IDO1: variants seen among roughly 807,000 people sequenced by gnomAD.
IDO1 encodes indoleamine 2,3-dioxygenase 1, also known as indolamine 2,3 dioxygenase.
A neutral mutation model predicts 38.8 loss-of-function variants in IDO1; 35 were observed. The ratio of observed to expected loss-of-function variants is 0.90; its 90% CI spans 0.69 to 1.20. The LOEUF is 1.20. IDO1 is among the 50% of genes most tolerant of loss of function. The pLI is 0.00. For missense variants in IDO1, 509 were observed against 485.1 expected (o/e 1.05, Z -0.46); for synonymous variants, 171 against 170.0 (o/e 1.01, Z -0.05).
intron 3 of IDO1, 42 bp from the exon 4 acceptor site, chr8:39,918,768 AACAAC>A: frequency 4.4e-6 from 2 of 452,264 alleles, no homozygotes; most frequent in Non-Finnish European, 3.8e-6. Context: ...AAAAAAAAAA[AACAAC>A]AACAACAACA....
rs773683132 is a variant in IDO1 at position 39,922,656 on chromosome 8, G to A, written c.537+5G>A. 3.3e-5 allele frequency: 53 copies of A among 1,591,602 alleles called. No individual in the cohort carries two copies. Among genetic ancestry groups the A allele is most frequent in the African/African-American group, 3.2e-4 (24 of 74,590 alleles). ...GCAGCTGCTTCTGCAATCAAAGTAC[G>A]TCTATCCTCACTTCAAAATTTATAT... On this transcript the variant is annotated splice_donor_5th_base_variant and intron_variant, in intron 6 of 9. Coordinates refer to ENST00000518237, the MANE Select transcript of IDO1 (RefSeq NM_002164.6).
Position 39,927,842 on chromosome 8 carries a change from A to G in IDO1, c.869A>G (p.Gln290Arg). ...QQTAGGGHAA[Q>R]FLQDMRRYMP... Reference sequence around the variant, plus strand: ...CTTTTTCCTATAGGACATGCTGCTCAGTTCCTCCAGGACATGAGAAGATAT... The same window carrying G: ...CTTTTTCCTATAGGACATGCTGCTCGGTTCCTCCAGGACATGAGAAGATAT... The change falls in exon 10 of 10, where the codon CAG (glutamine) becomes CGG (arginine). Residue 290 changes from glutamine to arginine, a missense_variant. By Grantham distance (43) the Gln-to-Arg change is conservative. Coordinates refer to ENST00000518237, the MANE Select transcript of IDO1 (RefSeq NM_002164.6). 6.5e-7 allele frequency: 1 copy of G among 1,536,844 alleles called. No individual in the cohort carries two copies. Among genetic ancestry groups the G allele is most frequent in the Non-Finnish European group, 8.7e-7 (1 of 1,143,646 alleles).
chr8:39,921,789 C>T (rs1046846982), intron 5 of IDO1, among the ~76,000 whole-genome samples: 24 of 152,260 alleles, frequency 1.6e-4, no homozygotes, highest in Admixed American at 8.5e-4. Context: ...ATTTGAATTT[C>T]GCAGTCAATT....
At chr8:39,922,842 A>G in intron 6 of IDO1, 191 bp downstream of exon 6, 1 of 589,580 alleles carries the variant, frequency 1.7e-6, no homozygotes, top group East Asian at 2.8e-5. Flanking sequence ...TCAGAGCCAT[A>G]TACTTAAAAT....
intron 5 of IDO1, among the ~76,000 whole-genome samples, chr8:39,921,158 T>C (rs759564976): frequency 1.3e-5 from 2 of 151,972 alleles, no homozygotes; most frequent in Non-Finnish European, 2.9e-5. Context: ...TCACTGATAA[T>C]AAGTGATAAA....
At chr8:39,921,243 A>G (rs550383699) in intron 5 of IDO1, among the ~76,000 whole-genome samples, 45 of 152,238 alleles carry the variant, frequency 3.0e-4, no homozygotes, top group African/African-American at 9.9e-4. Context: ...ACCTGAGGTC[A>G]GGCATTCGAG....
chr8:39,922,144 G>T (rs1422188912), intron 5 of IDO1, among the ~76,000 whole-genome samples: 1 of 152,144 alleles, frequency 6.6e-6, no homozygotes, highest in East Asian at 1.9e-4. Context: ...GGGATTACAG[G>T]CGCCCATCAC....
chr8:39,920,183 T>C, intron 5 of IDO1, 69 bp downstream of exon 5: 3 of 1,241,432 alleles, frequency 2.4e-6, no homozygotes, highest in South Asian at 1.3e-5. Flanking sequence ...GGTTTATCAA[T>C]AGACTCCAAA....
intron 7 of IDO1, 100 bp downstream of exon 7, chr8:39,923,686 T>C: frequency 1.6e-6 from 1 of 643,736 alleles, no homozygotes. Flanking sequence ...TATCACTTAG[T>C]ATGTTTTCAC....
At chr8:39,920,010 C>G in intron 4 of IDO1, 90 bp from the exon 5 acceptor site, 1 of 1,162,684 alleles carries the variant, frequency 8.6e-7, no homozygotes, top group Non-Finnish European at 1.3e-6. Flanking sequence ...AGCATTCAAT[C>G]AAATAGCAAC....
chr8:39,927,944 G>T lies in IDO1; in HGVS notation c.971G>T (p.Gly324Val), dbSNP rs762900972. The change falls in exon 10 of 10, where the codon GGT becomes GTT. Residue 324 changes from glycine (G) to valine (V), a missense_variant. Gly to Val is a moderately radical substitution (Grantham distance 109). Coordinates refer to ENST00000518237, the MANE Select transcript of IDO1 (RefSeq NM_002164.6). ...PSVREFVLSK[G>V]DAGLREAYDA... is the part of the protein sequence containing the mutation. Reference sequence around the variant, plus strand: ...GTCCGTGAGTTTGTCCTTTCAAAAGGTGATGCTGGCCTGCGGGAAGCTTAT... The same window carrying T: ...GTCCGTGAGTTTGTCCTTTCAAAAGTTGATGCTGGCCTGCGGGAAGCTTAT... The T allele has an allele frequency of 6.2e-7, 1 of 1,606,240 alleles. No homozygotes were observed. Among genetic ancestry groups the T allele is most frequent in the Admixed American group, 1.7e-5 (1 of 58,760 alleles).
intron 3 of IDO1, 185 bp downstream of exon 3, chr8:39,918,392 G>T: frequency 1.7e-6 from 1 of 583,438 alleles, no homozygotes; most frequent in African/African-American, 1.9e-5. Context: ...TATATTTTTA[G>T]TCTTTTACTT....
At chr8:39,925,134 T>C in intron 8 of IDO1, 89 bp from the exon 9 acceptor site, 1 of 1,214,202 alleles carries the variant, frequency 8.2e-7, no homozygotes, top group South Asian at 1.6e-5. Flanking sequence ...TGTCACCTTC[T>C]GTTCAGCACT....
Position 39,917,858 on chromosome 8 carries a change from CTTT to C in IDO1, c.88-7_88-5del, listed in dbSNP as rs59167028. The C allele has an allele frequency of 8.6e-6, 10 of 1,167,708 alleles. No homozygotes were observed. The highest frequency in any genetic ancestry group is 3.1e-5 in the African/African-American group (2 of 64,896). 72.3% of individuals were successfully genotyped at this position (1,167,708 alleles called of 1,614,324 possible). On this transcript the variant is annotated splice_polypyrimidine_tract_variant and intron_variant, in intron 1 of 9. Transcript: ENST00000518237. ...ATAACTGCTACTACTAAATAAAGAT[CTTT>C]TTTTTTTTTCAAGGAAAATCTACCT...
At chr8:39,923,752 T>C in intron 7 of IDO1, 166 bp downstream of exon 7, 1 of 466,344 alleles carries the variant, frequency 2.1e-6, no homozygotes, top group Admixed American at 3.8e-5. Flanking sequence ...GGTTTCATTA[T>C]CTCCATTTTA....
At chr8:39,918,037 CAT>C (rs993396799) in intron 2 of IDO1, 49 bp from the exon 3 acceptor site, 5 of 1,612,098 alleles carry the variant, frequency 3.1e-6, no homozygotes, top group Non-Finnish European at 4.2e-6. Flanking sequence ...GGTTTTGAAG[CAT>C]AAAACATTAC....
rs116580171 is a variant in IDO1, at chr8:39,918,068, A to T, written c.184-20A>T. 3.7e-6 allele frequency: 6 copies of T among 1,613,730 alleles called. No individual in the cohort carries two copies. Among genetic ancestry groups the T allele is most frequent in the Admixed American group, 3.3e-5 (2 of 60,016 alleles). The stretch of plus-strand genomic sequence containing the variant: ...ACATTACTGAGATTGATTTGAGTCA[A>T]TTGCTCCATTTGTTTTCAGTTAAAC... On this transcript the variant is annotated intron_variant, in intron 2 of 9. Coordinates refer to ENST00000518237, the MANE Select transcript of IDO1 (RefSeq NM_002164.6).
intron 4 of IDO1, among the ~76,000 whole-genome samples, chr8:39,919,777 C>T (rs1807243781): frequency 6.6e-6 from 1 of 152,082 alleles, no homozygotes; most frequent in African/African-American, 2.4e-5. Flanking sequence ...GAAGTTGAGG[C>T]TGCAGTGAGC....
In IDO1 at chr8:39,918,905, G is replaced by A. The variant is rs1307059596; in HGVS notation, c.394G>A (p.Ala132Thr). The change falls in exon 4 of 10, where the codon GCA (alanine) becomes ACA (threonine). Residue 132 changes from alanine to threonine, a missense_variant. Physicochemically the swap from Ala to Thr is moderately conservative, Grantham distance 58. Coordinates refer to ENST00000518237, the MANE Select transcript of IDO1 (RefSeq NM_002164.6). ...PILVYADCVL[A>T]NWKKKDPNKP... is the part of the protein sequence containing the mutation. ...TTTGGTTTATGCAGACTGTGTCTTG[G>A]CAAACTGGAAGAAAAAGGATCCTAA... 1 of 1,606,390 alleles carries A rather than the reference G, an allele frequency of 6.2e-7. No homozygotes were observed. Among genetic ancestry groups the A allele is most frequent in the East Asian group, 2.2e-5 (1 of 44,834 alleles).
Sources: allele counts gnomAD v4.1 joint callset (sites outside exome capture counted in the v4.1 genomes callset), GRCh38; gene constraint gnomAD v4.1.1; transcripts MANE v1.5; gene names NCBI Gene and HGNC (gene_info 2026-07-23, HGNC 2026-07-21).